The following DMD variants were observed in gnomAD, a reference collection of about 807,000 sequenced individuals.
The protein encoded by DMD is mutant dystrophin.
In DMD, 63 loss-of-function variants were observed where a neutral mutation model predicts 330.1. The ratio of observed to expected loss-of-function variants is 0.19; its 90% confidence interval spans 0.16 to 0.24. DMD has a LOEUF of 0.24. Ranked by LOEUF, DMD falls within the 10% of genes least tolerant of loss-of-function variation. The probability of loss-of-function intolerance (pLI) is 1.00; values close to 1 mark genes in which losing one functional copy is unlikely to be tolerated. For synonymous variants in DMD, 1,223 were observed against 959.8 expected, an observed-to-expected ratio of 1.27 and a Z score of -5.07; for missense variants, 3,344 against 2,684.1, an observed-to-expected ratio of 1.25 and a Z score of -5.43.
chrX:32,909,419 G>A (rs2087027969), intron 2 of DMD, among the ~76,000 whole-genome samples: 1 of 111,638 alleles, frequency 9.0e-6, no homozygotes, highest in Non-Finnish European at 1.9e-5. Flanking sequence ...GTATTTCCGT[G>A]GGGGTAATGA....
intron 42 of DMD, among the ~76,000 whole-genome samples, chrX:32,306,052 T>C (rs751266263): frequency 1.0e-3 from 112 of 110,381 alleles, no homozygotes; most frequent in Non-Finnish European, 1.8e-3. Flanking sequence ...TCTGGTTTTT[T>C]TTTTTTTCCC....
chrX:32,665,683 A>C (rs1279890273), intron 9 of DMD, among the ~76,000 whole-genome samples: 1 of 112,038 alleles, frequency 8.9e-6, no homozygotes, highest in East Asian at 2.8e-4. Context: ...GAACACGTCC[A>C]AGAAGAAATG....
chrX:32,380,790 TTA>T, intron 33 of DMD, 110 bp from the exon 34 acceptor site: 1 of 604,008 alleles, frequency 1.7e-6, no homozygotes, highest in Non-Finnish European at 2.5e-6. Flanking sequence ...AACTATTTTC[TTA>T]CACGTTTTAA....
At chrX:32,862,676 A>C (rs765204357) in intron 2 of DMD, among the ~76,000 whole-genome samples, 4 of 111,886 alleles carry the variant, frequency 3.6e-5, no homozygotes, top group African/African-American at 1.3e-4. Context: ...GAATGATTAC[A>C]ATCCATGATT....
At chrX:32,949,375 TAG>T (rs2091069959) in intron 2 of DMD, among the ~76,000 whole-genome samples, 1 of 97,468 alleles carries the variant, frequency 1.0e-5, no homozygotes, top group Non-Finnish European at 2.1e-5. Flanking sequence ...GATAGATAGA[TAG>T]ATAGATAGAT....
intron 4 of DMD, among the ~76,000 whole-genome samples, chrX:32,835,454 T>C (rs2079531541): frequency 8.9e-6 from 1 of 112,897 alleles, no homozygotes; most frequent in Admixed American, 9.4e-5. Context: ...CTATTACAAA[T>C]GAGCTTTGCT....
At chrX:33,141,514 A>G (rs1281244991) in intron 1 of DMD, among the ~76,000 whole-genome samples, 1 of 111,782 alleles carries the variant, frequency 8.9e-6, no homozygotes, top group Non-Finnish European at 1.9e-5. Context: ...AAAAAGTACT[A>G]TAAATATAGA....
chrX:31,562,203 A>G (rs1473112216), intron 55 of DMD, among the ~76,000 whole-genome samples: 3 of 112,247 alleles, frequency 2.7e-5, no homozygotes, highest in Non-Finnish European at 3.8e-5. Context: ...AACATATTCA[A>G]TAATTTCCAC....
intron 44 of DMD, among the ~76,000 whole-genome samples, chrX:32,152,079 A>G (rs192921388): frequency 8.9e-6 from 1 of 112,091 alleles, no homozygotes; most frequent in East Asian, 2.8e-4. Flanking sequence ...ATAAATACAA[A>G]GTGAAAGGCA....
chrX:32,352,693 A>G (rs777392148), intron 37 of DMD, among the ~76,000 whole-genome samples: 1 of 110,838 alleles, frequency 9.0e-6, no homozygotes, highest in East Asian at 2.8e-4. Flanking sequence ...ACTTGTGGTG[A>G]ATTTAGATTA....
intron 52 of DMD, among the ~76,000 whole-genome samples, chrX:31,706,555 C>CT (rs1488402781): frequency 1.2e-4 from 11 of 93,945 alleles, no homozygotes; most frequent in Non-Finnish European, 2.1e-5. Flanking sequence ...AGTTTATCAA[C>CT]ATTTTTTTTT....
At position 31,661,151 on chromosome X, in the gene DMD, G is replaced by T. The variant is rs917452389; in HGVS notation, c.7873-3007C>A. Among the ~76,000 whole-genome samples, 8 of 111,620 alleles carry T rather than the reference G, an allele frequency of 7.2e-5. No homozygotes were observed. In the South Asian group the frequency reaches 3.0e-3, roughly 42 times the overall value. ...TTTAATGCTTGAAAGGTAGAAATAC[G>T]CGTGCCATATATTTTTCTGCAAAAT... On this transcript the variant is annotated intron_variant, in intron 53 of 78. Coordinates refer to ENST00000357033, the MANE Select transcript of DMD (RefSeq NM_004006.3).
At chrX:32,871,164 G>A (rs139420663) in intron 2 of DMD, among the ~76,000 whole-genome samples, 1,849 of 108,847 alleles carry the variant, frequency 0.017, 48 homozygotes, top group African/African-American at 0.059. Flanking sequence ...CTTAATCTTG[G>A]TCTATTTTTC....
chrX:31,246,826 T>C (rs1384406640), intron 63 of DMD, among the ~76,000 whole-genome samples: 5 of 110,257 alleles, frequency 4.5e-5, no homozygotes, highest in African/African-American at 1.7e-4. Flanking sequence ...CTCAGGAGGC[T>C]GAGGCAGGAG....
At chrX:31,392,445 C>T (rs1437260365) in intron 60 of DMD, among the ~76,000 whole-genome samples, 3 of 111,747 alleles carry the variant, frequency 2.7e-5, no homozygotes, top group Non-Finnish European at 3.8e-5. Flanking sequence ...GCCTCTATAC[C>T]GACACAAACT....
chrX:32,960,523 T>G (rs2091839867), intron 2 of DMD, among the ~76,000 whole-genome samples: 1 of 111,957 alleles, frequency 8.9e-6, no homozygotes, highest in African/African-American at 3.2e-5. Context: ...TTAAGTGCCA[T>G]TTAGCAAACG....
intron 1 of DMD, among the ~76,000 whole-genome samples, chrX:33,176,661 C>A (rs768377343): frequency 9.1e-6 from 1 of 110,467 alleles, no homozygotes; most frequent in Non-Finnish European, 1.9e-5. Context: ...ATAGGCCAGG[C>A]GCAGTGGCTC....
chrX:32,586,097 C>CA (rs2054265457), intron 13 of DMD, among the ~76,000 whole-genome samples: 1 of 110,937 alleles, frequency 9.0e-6, no homozygotes, highest in South Asian at 3.7e-4. Context: ...ATGCACATAT[C>CA]AAAGCTGATC....
intron 42 of DMD, among the ~76,000 whole-genome samples, chrX:32,291,760 C>T (rs1213194548): frequency 9.0e-6 from 1 of 111,538 alleles, no homozygotes; most frequent in African/African-American, 3.3e-5. Flanking sequence ...GCCTTTGAGG[C>T]ATCAAACTGT....
Sources: gnomAD v4.1 joint callset for allele counts (sites outside exome capture counted in the v4.1 genomes callset) on GRCh38, gnomAD v4.1.1 for gene constraint, MANE v1.5 for transcripts, NCBI Gene and HGNC (gene_info 2026-07-23, HGNC 2026-07-21) for gene names.